Variants in PALLD observed in about 807,000 individuals in gnomAD.
PALLD encodes palladin, cytoskeletal associated protein.
Under a neutral mutation model 123.5 loss-of-function variants are expected in PALLD, and 61 were observed. That is an observed-to-expected ratio of 0.49 (90% CI 0.40 to 0.61). PALLD has a LOEUF of 0.61. Ranked by LOEUF, PALLD falls within the 20% of genes least tolerant of loss-of-function variation. The probability of loss-of-function intolerance (pLI) is 0.00; values close to 1 mark genes in which losing one functional copy is unlikely to be tolerated. For synonymous variants in PALLD, 465 were observed against 496.4 expected (o/e 0.94, Z 0.84); for missense variants, 1,273 against 1,377.0 (o/e 0.92, Z 1.20).
chr4:168,673,566 G>A (rs1780512605), intron 3 of PALLD, among the ~76,000 whole-genome samples: 1 of 152,194 alleles, frequency 6.6e-6, no homozygotes, highest in South Asian at 2.1e-4. Context: ...GAAAATCATG[G>A]AGGGTTTAAA....
Position 168,691,185 on chromosome 4 carries a change from A to G in PALLD, c.1478-84A>G, listed in dbSNP as rs189190579. On this transcript the variant is annotated intron_variant, in intron 7 of 21. Coordinates refer to ENST00000505667, the MANE Select transcript of PALLD (RefSeq NM_001166108.2). ...AGACATGTCCTAGACAAGGTAATGG[A>G]AAGGAACAAGTAGGTTTTTTTTAAT... 1,168 of 950,650 alleles carry G rather than the reference A, an allele frequency of 1.2e-3. 9 individuals carry two copies. In the East Asian group the frequency reaches 0.016, roughly 13 times the overall value. 58.9% of individuals were successfully genotyped at this position (950,650 alleles called of 1,614,324 possible). A position where few individuals can be genotyped will look rare whatever the true frequency, so the allele number is the denominator to read the frequency against.
At position 168,754,958 on chromosome 4, in the gene PALLD, C is replaced by T. The variant is rs114106628; in HGVS notation, c.1964+43035C>T. Among the ~76,000 whole-genome samples the T allele has an allele frequency of 2.0e-3, 304 of 152,236 alleles. 2 individuals carry two copies. The highest frequency in any genetic ancestry group is 8.3e-3 in the East Asian group (43 of 5,176). ...TACTAAAAAGAAAAGGGTGGCCGGG[C>T]GCAGTGGCTCACGTCTGTAATCCCA... On this transcript the variant is annotated intron_variant, in intron 10 of 21. Coordinates refer to ENST00000505667, the MANE Select transcript of PALLD (RefSeq NM_001166108.2).
intron 10 of PALLD, among the ~76,000 whole-genome samples, chr4:168,766,229 T>C (rs556302703): frequency 2.6e-5 from 4 of 152,346 alleles, no homozygotes; most frequent in African/African-American, 9.6e-5. Flanking sequence ...TTTCCACCTT[T>C]TTTGTATGCC....
intron 2 of PALLD, among the ~76,000 whole-genome samples, chr4:168,632,051 C>T (rs1412817060): frequency 6.8e-6 from 1 of 146,130 alleles, no homozygotes; most frequent in Admixed American, 7.0e-5. Context: ...CACGGTTTTC[C>T]TAATCCCTTC....
At chr4:168,767,577 C>T (rs1377831838) in intron 10 of PALLD, among the ~76,000 whole-genome samples, 5 of 140,502 alleles carry the variant, frequency 3.6e-5, no homozygotes, top group Admixed American at 7.5e-5. Flanking sequence ...GACAGAGTTT[C>T]GCTCTTGTTG....
chr4:168,742,599 C>T (rs1581234243), intron 10 of PALLD, among the ~76,000 whole-genome samples: 3 of 152,106 alleles, frequency 2.0e-5, no homozygotes, highest in Admixed American at 6.5e-5. Flanking sequence ...TTCTTTTGCT[C>T]CAGATACTAA....
chr4:168,910,039 G>A (rs1185284583), intron 15 of PALLD, among the ~76,000 whole-genome samples: 2 of 152,094 alleles, frequency 1.3e-5, no homozygotes, highest in Non-Finnish European at 2.9e-5. Context: ...GTTCAGAAGT[G>A]CAGGTTGGTA....
In PALLD at chr4:168,734,679, T is replaced by C. The variant is rs1787551447; in HGVS notation, c.1964+22756T>C. On this transcript the variant is annotated intron_variant, in intron 10 of 21. Coordinates refer to ENST00000505667, the MANE Select transcript of PALLD (RefSeq NM_001166108.2). Reference sequence around the variant, plus strand: ...CACCCTCAAGGAGTACAATATTCTATTAAAAAATGACCTTTCCAGGAAACT... The same window carrying C: ...CACCCTCAAGGAGTACAATATTCTACTAAAAAATGACCTTTCCAGGAAACT... Among the ~76,000 whole-genome samples, 3 of 152,128 alleles carry C rather than the reference T, an allele frequency of 2.0e-5. No individual in the cohort carries two copies. In the South Asian group the frequency reaches 6.2e-4, roughly 32 times the overall value.
At chr4:168,898,769 T>C in intron 14 of PALLD, 55 bp downstream of exon 14, 1 of 1,114,112 alleles carries the variant, frequency 9.0e-7, no homozygotes, top group Non-Finnish European at 1.4e-6. Flanking sequence ...AAGGTTTAGC[T>C]TCCAAAACAT....
chr4:168,835,025 G>C (rs1482758046), intron 10 of PALLD, among the ~76,000 whole-genome samples: 1 of 152,180 alleles, frequency 6.6e-6, no homozygotes, highest in Admixed American at 6.5e-5. Context: ...ATTATTTCAA[G>C]GGGAAATTAT....
At chr4:168,747,663 G>T (rs1730505468) in intron 10 of PALLD, among the ~76,000 whole-genome samples, 1 of 152,172 alleles carries the variant, frequency 6.6e-6, no homozygotes, top group Non-Finnish European at 1.5e-5. Context: ...TGGGGGACCT[G>T]CCAGTCACCT....
intron 2 of PALLD, among the ~76,000 whole-genome samples, chr4:168,557,125 C>T (rs556434211): frequency 3.3e-5 from 5 of 152,128 alleles, no homozygotes; most frequent in Non-Finnish European, 7.4e-5. Flanking sequence ...CTCACTGCAA[C>T]CTCCACCTCC....
At chr4:168,760,047 CA>C (rs550788154) in intron 10 of PALLD, among the ~76,000 whole-genome samples, 3,206 of 127,406 alleles carry the variant, frequency 0.025, 87 homozygotes, top group African/African-American at 0.077. Flanking sequence ...GAGACTGTCT[CA>C]AAAAAAAAAA....
At chr4:168,666,572 G>C (rs1352994045) in intron 2 of PALLD, among the ~76,000 whole-genome samples, 2 of 152,138 alleles carry the variant, frequency 1.3e-5, no homozygotes, top group Admixed American at 1.3e-4. Flanking sequence ...ATATTTGAGG[G>C]CTATGTAAGG....
intron 10 of PALLD, among the ~76,000 whole-genome samples, chr4:168,743,335 A>C (rs961392495): frequency 7.9e-5 from 12 of 152,214 alleles, no homozygotes; most frequent in Admixed American, 4.6e-4. Flanking sequence ...ATATCTATGA[A>C]GATCTCAATC....
chr4:168,830,977 T>C (rs1744127450), intron 10 of PALLD, among the ~76,000 whole-genome samples: 1 of 152,250 alleles, frequency 6.6e-6, no homozygotes. Context: ...TGGTAGATAT[T>C]ACCATTCATT....
At chr4:168,874,053 A>G (rs1368591767) in intron 10 of PALLD, among the ~76,000 whole-genome samples, 2 of 152,232 alleles carry the variant, frequency 1.3e-5, no homozygotes, top group African/African-American at 2.4e-5. Flanking sequence ...TTGTTTTAAA[A>G]GTTCTGGTTT....
chr4:168,543,024 C>T (rs1765792495), intron 2 of PALLD, among the ~76,000 whole-genome samples: 1 of 151,966 alleles, frequency 6.6e-6, no homozygotes, highest in Admixed American at 6.6e-5. Context: ...GTGCCACTCT[C>T]CTACTGAGAT....
At chr4:168,523,696 A>C (rs1210174374) in intron 2 of PALLD, among the ~76,000 whole-genome samples, 1 of 152,140 alleles carries the variant, frequency 6.6e-6, no homozygotes, top group Admixed American at 6.6e-5. Context: ...GTTATCCCCT[A>C]ATGAGGAGGT....
Sources: allele counts gnomAD v4.1 joint callset (sites outside exome capture counted in the v4.1 genomes callset), GRCh38; gene constraint gnomAD v4.1.1; transcripts MANE v1.5; gene names NCBI Gene and HGNC (gene_info 2026-07-23, HGNC 2026-07-21).